The following FGF18 variants were observed in gnomAD, a reference collection of about 807,000 sequenced individuals.
The protein encoded by FGF18 is fibroblast growth factor 18.
A neutral mutation model predicts 23.0 loss-of-function variants in FGF18; 5 were observed. That is an observed-to-expected ratio of 0.22 (90% CI 0.11 to 0.46). The LOEUF is 0.46. FGF18 is among the 20% of genes least tolerant of loss of function. The pLI is 0.99. For synonymous variants in FGF18, 117 were observed against 118.9 expected (o/e 0.98, Z 0.10); for missense variants, 180 against 291.6 (o/e 0.62, Z 2.79).
At chr5:171,427,121 C>T (rs1772102248) in intron 2 of FGF18, among the ~76,000 whole-genome samples, 1 of 151,510 alleles carries the variant, frequency 6.6e-6, no homozygotes, top group African/African-American at 2.4e-5. Context: ...ACAGGAGAAT[C>T]GCTTGAACCT....
chr5:171,436,159 G>T lies in FGF18; in HGVS notation c.136G>T (p.Asp46Tyr), dbSNP rs764018910. Residue 46 changes from aspartate to tyrosine, a missense_variant, in exon 3 of 5, where the codon GAT becomes TAT. Physicochemically the swap from Asp to Tyr is radical, Grantham distance 160. Around this residue, in one of 3 missense-constraint regions of FGF18, gnomAD observed 83 missense variants for 190.4 expected, o/e 0.44. Coordinates refer to ENST00000274625, the MANE Select transcript of FGF18 (RefSeq NM_003862.3). The surrounding 1 kb of genome is among the most constrained non-coding windows in gnomAD (Gnocchi z 4.4). ...GGAGAACCAGACGCGGGCTCGGGAC[G>T]ATGTGAGCCGTAAGCAGCTGCGGCT... ...HVENQTRARD[D>Y]VSRKQLRLYQ... is the part of the protein sequence containing the mutation. 1 of 1,604,206 alleles carries T rather than the reference G, an allele frequency of 6.2e-7. No homozygotes were observed. Among genetic ancestry groups the T allele is most frequent in the South Asian group, 1.1e-5 (1 of 89,866 alleles).
At chr5:171,448,930 T>C (rs934278086) in intron 3 of FGF18, among the ~76,000 whole-genome samples, 25 of 151,810 alleles carry the variant, frequency 1.6e-4, no homozygotes, top group Middle Eastern at 3.2e-3. Flanking sequence ...ATAGGCAGCT[T>C]CCATCTCCCT....
chr5:171,421,256 G>A (rs1449033208), intron 2 of FGF18, among the ~76,000 whole-genome samples: 1 of 152,066 alleles, frequency 6.6e-6, no homozygotes, highest in Non-Finnish European at 1.5e-5. Flanking sequence ...TGGGGGGAGG[G>A]AGAGAGAAGA....
Position 171,453,164 on chromosome 5 carries a change from T to C in FGF18, c.358-3375T>C, listed in dbSNP as rs1772539577. Among the ~76,000 whole-genome samples the C allele has an allele frequency of 1.3e-5, 2 of 152,130 alleles. 1 individual carries two copies. Among genetic ancestry groups the C allele is most frequent in the South Asian group, 4.1e-4 (2 of 4,824 alleles). Reference sequence around the variant, plus strand: ...CGGGCCCAAGCACAGGTGTTTTTGTTTTTGGAGTCTCTGCTGTGGTGAGCA... The same window carrying C: ...CGGGCCCAAGCACAGGTGTTTTTGTCTTTGGAGTCTCTGCTGTGGTGAGCA... On this transcript the variant is annotated intron_variant, in intron 4 of 4. Coordinates refer to ENST00000274625, the MANE Select transcript of FGF18 (RefSeq NM_003862.3).
intron 3 of FGF18, among the ~76,000 whole-genome samples, chr5:171,437,843 A>AG (rs1235334987): frequency 4.6e-5 from 7 of 152,116 alleles, no homozygotes; most frequent in African/African-American, 1.7e-4. Context: ...GGGAGAGTAC[A>AG]GGGGGGTCAG....
chr5:171,438,880 G>A (rs1472297693), intron 3 of FGF18, among the ~76,000 whole-genome samples: 1 of 152,076 alleles, frequency 6.6e-6, no homozygotes, highest in Admixed American at 6.5e-5. Context: ...TCTGCATTAG[G>A]GGCCTGCCTT....
chr5:171,439,298 T>C (rs182843975), intron 3 of FGF18, among the ~76,000 whole-genome samples: 10 of 152,276 alleles, frequency 6.6e-5, no homozygotes, highest in African/African-American at 2.2e-4. Context: ...CTCCCAGTAC[T>C]GAAAAGCTTT....
At chr5:171,444,093 G>C (rs1027364981) in intron 3 of FGF18, among the ~76,000 whole-genome samples, 2 of 152,214 alleles carry the variant, frequency 1.3e-5, no homozygotes, top group African/African-American at 4.8e-5. Flanking sequence ...TCTTTCTCAG[G>C]GTGACCCTGG....
rs1389467078 is a variant in FGF18 at position 171,449,396 on chromosome 5, TGTGTGA to T, written c.357+145_357+150del. On this transcript the variant is annotated intron_variant, in intron 4 of 4. Coordinates refer to ENST00000274625, the MANE Select transcript of FGF18 (RefSeq NM_003862.3). Reference sequence around the variant, plus strand: ...GTGTGTGTGTGTGTGTGTGTGTGTGTGTGTGAGAGAGAGAGAGAGAGAGAGAGACAG... The same window carrying T: ...GTGTGTGTGTGTGTGTGTGTGTGTGTGAGAGAGAGAGAGAGAGAGAGACAG... 1,753 of 521,732 alleles carry T rather than the reference TGTGTGA, an allele frequency of 3.4e-3. 11 individuals carry two copies. The highest frequency in any genetic ancestry group is 0.012 in the African/African-American group (584 of 47,306). 32.3% of individuals were successfully genotyped at this position (521,732 alleles called of 1,614,324 possible).
intron 3 of FGF18, among the ~76,000 whole-genome samples, chr5:171,437,311 T>A (rs1380177493): frequency 6.6e-6 from 1 of 152,204 alleles, no homozygotes; most frequent in Non-Finnish European, 1.5e-5. Flanking sequence ...ACCATTTATT[T>A]TCCCTCAGCC....
chr5:171,421,272 A>G (rs1772002744), intron 2 of FGF18, among the ~76,000 whole-genome samples: 1 of 152,180 alleles, frequency 6.6e-6, no homozygotes, highest in Non-Finnish European at 1.5e-5. Flanking sequence ...GAAGAGCGAA[A>G]AAGGGAGCCG....
chr5:171,425,211 C>T (rs1028146669), intron 2 of FGF18, among the ~76,000 whole-genome samples: 10 of 152,188 alleles, frequency 6.6e-5, no homozygotes, highest in Non-Finnish European at 1.3e-4. Flanking sequence ...TAGTGACCAC[C>T]AGGTATAGTG....
chr5:171,455,070 GT>G (rs748632638), intron 4 of FGF18, among the ~76,000 whole-genome samples: 94 of 152,232 alleles, frequency 6.2e-4, no homozygotes, highest in Non-Finnish European at 1.3e-3. Context: ...AGGAGTCATT[GT>G]TCCCATTAGG....
At position 171,440,674 on chromosome 5, in the gene FGF18, A is replaced by G. The variant is rs1250179848; in HGVS notation, c.250+4401A>G. On this transcript the variant is annotated intron_variant, in intron 3 of 4. Transcript: ENST00000274625. The surrounding 1 kb of genome is among the most constrained non-coding windows in gnomAD (Gnocchi z 4.0). ...TCTCTCCCTGAGCCTCGGTTTCCCC[A>G]CCTGTAATGTGGGTGGGGTAAAGGG... 2.0e-5 allele frequency among the ~76,000 whole-genome samples: 3 copies of G among 152,124 alleles called. No homozygotes were observed. In the South Asian group the frequency reaches 6.2e-4, roughly 32 times the overall value.
intron 2 of FGF18, among the ~76,000 whole-genome samples, chr5:171,421,443 T>C (rs573661918): frequency 5.7e-4 from 86 of 152,086 alleles, no homozygotes; most frequent in African/African-American, 2.0e-3. Flanking sequence ...CAAAAGAGGG[T>C]TGTCTGACCC....
At chr5:171,437,384 GGGCCAGGCCA>G (rs1008857744) in intron 3 of FGF18, among the ~76,000 whole-genome samples, 4 of 152,198 alleles carry the variant, frequency 2.6e-5, no homozygotes, top group African/African-American at 9.6e-5. Flanking sequence ...ACTGGGGGCT[GGGCCAGGCCA>G]GGCCAGGCTG....
chr5:171,448,981 T>C (rs1581278981), intron 3 of FGF18, among the ~76,000 whole-genome samples, 166 bp from the exon 4 acceptor site: 1 of 152,182 alleles, frequency 6.6e-6, no homozygotes, highest in East Asian at 1.9e-4. Flanking sequence ...GACTTCTCTG[T>C]GGTTATTTAG....
At chr5:171,449,097 C>A in intron 3 of FGF18, 50 bp from the exon 4 acceptor site, 1 of 1,352,988 alleles carries the variant, frequency 7.4e-7, no homozygotes, top group Non-Finnish European at 1.1e-6. Flanking sequence ...TAGACCAAGC[C>A]ATTGCCCCTG....
At chr5:171,445,533 G>GT (rs774550272) in intron 3 of FGF18, among the ~76,000 whole-genome samples, 55 of 145,868 alleles carry the variant, frequency 3.8e-4, no homozygotes, top group Non-Finnish European at 6.1e-4. Context: ...TAATTTTTGT[G>GT]GTTTTTTTTT....
Sources: allele counts gnomAD v4.1 joint callset (sites outside exome capture counted in the v4.1 genomes callset), GRCh38; gene constraint gnomAD v4.1.1; regional missense constraint gnomAD v4.1.1; non-coding constraint Gnocchi (gnomAD v3.1); transcripts MANE v1.5; gene names NCBI Gene and HGNC (gene_info 2026-07-23, HGNC 2026-07-21).